The following SYN2 variants were observed in gnomAD, a reference collection of about 807,000 sequenced individuals.
SYN2 encodes synapsin II, also known as synapsin-2.
A neutral mutation model predicts 50.9 loss-of-function variants in SYN2; 19 were observed. That is an observed-to-expected ratio of 0.37 (90% CI 0.26 to 0.55). SYN2 has a LOEUF of 0.55. SYN2 is among the 20% of genes least tolerant of loss of function. SYN2 has a pLI of 0.81. For missense variants in SYN2, 587 were observed against 576.4 expected, an observed-to-expected ratio of 1.02 and a Z score of -0.19; for synonymous variants, 255 against 224.9, an observed-to-expected ratio of 1.13 and a Z score of -1.20.
chr3:12,136,141 G>T (rs92090), intron 1 of SYN2, among the ~76,000 whole-genome samples: 96,984 of 152,052 alleles, frequency 0.64, 33,568 homozygotes, highest in South Asian at 0.78. Context: ...TGTGATGAAA[G>T]TTCAGAAAAG....
intron 1 of SYN2, among the ~76,000 whole-genome samples, chr3:12,035,896 G>C (rs1034495777): frequency 3.9e-5 from 6 of 152,028 alleles, no homozygotes; most frequent in Admixed American, 3.9e-4. Context: ...TGTTGGTGAG[G>C]GTCCAGGTTT....
At chr3:12,181,341 C>T (rs907920014) in intron 10 of SYN2, among the ~76,000 whole-genome samples, 9 of 152,198 alleles carry the variant, frequency 5.9e-5, no homozygotes, top group Admixed American at 5.2e-4. Context: ...GGTAGCTTCA[C>T]AAACTGGGAC....
chr3:12,041,751 C>G (rs964401108), intron 1 of SYN2, among the ~76,000 whole-genome samples: 1 of 152,178 alleles, frequency 6.6e-6, no homozygotes. Flanking sequence ...AGTTGCCACT[C>G]CTGTGCATCA....
In SYN2 at chr3:12,191,657, A is replaced by G. The variant is rs1159832768; in HGVS notation, c.*1032A>G. Among the ~76,000 whole-genome samples the G allele has an allele frequency of 6.6e-6, 1 of 152,130 alleles. No individual in the cohort carries two copies. Among genetic ancestry groups the G allele is most frequent in the African/African-American group, 2.4e-5 (1 of 41,394 alleles). On this transcript the variant is annotated 3_prime_UTR_variant, in exon 13 of 13. Coordinates refer to ENST00000621198, the MANE Select transcript of SYN2 (RefSeq NM_133625.6). ...CCCCAGTGAATCTGTCTCCTCCAAG[A>G]CACCTAGCCTTCCTTCAGCAACTCA...
chr3:12,130,398 T>C (rs1696769956), intron 1 of SYN2, among the ~76,000 whole-genome samples: 1 of 152,078 alleles, frequency 6.6e-6, no homozygotes, highest in South Asian at 2.1e-4. Context: ...GAGCCAATGG[T>C]ATAAGTTTCA....
chr3:12,106,443 C>T (rs1696192004), intron 1 of SYN2, among the ~76,000 whole-genome samples: 1 of 152,084 alleles, frequency 6.6e-6, no homozygotes, highest in South Asian at 2.1e-4. Context: ...GAATCTGGGA[C>T]CATTTTGAAA....
At chr3:12,114,456 A>G (rs951030496) in intron 1 of SYN2, among the ~76,000 whole-genome samples, 7 of 152,038 alleles carry the variant, frequency 4.6e-5, no homozygotes, top group African/African-American at 1.7e-4. Flanking sequence ...ATGAAAGCCA[A>G]TTTGTTTTTT....
At chr3:12,157,775 G>A (rs1180027434) in intron 5 of SYN2, among the ~76,000 whole-genome samples, 1 of 152,190 alleles carries the variant, frequency 6.6e-6, no homozygotes, top group East Asian at 1.9e-4. Context: ...TGTGCAGTGG[G>A]GCACAGGGTA....
chr3:12,155,370 G>A (rs1697424998), intron 5 of SYN2, among the ~76,000 whole-genome samples: 1 of 152,218 alleles, frequency 6.6e-6, no homozygotes, highest in Non-Finnish European at 1.5e-5. Flanking sequence ...GAAGGAGTGT[G>A]GGGCAAAGAA....
chr3:12,123,066 CAA>C (rs898287928), intron 1 of SYN2, among the ~76,000 whole-genome samples: 10 of 151,646 alleles, frequency 6.6e-5, no homozygotes, highest in African/African-American at 2.4e-4. Flanking sequence ...CTCAAAGAGA[CAA>C]AGAGAAGAAC....
chr3:12,121,440 T>C (rs1310159745), intron 1 of SYN2, among the ~76,000 whole-genome samples: 2 of 152,182 alleles, frequency 1.3e-5, no homozygotes, highest in Non-Finnish European at 2.9e-5. Context: ...TTTATAGTTA[T>C]TTGTTTACCA....
At chr3:12,084,688 T>C (rs765525220) in intron 1 of SYN2, among the ~76,000 whole-genome samples, 1 of 152,162 alleles carries the variant, frequency 6.6e-6, no homozygotes, top group Non-Finnish European at 1.5e-5. Flanking sequence ...GGTTGAAATA[T>C]TATATAGCTG....
At chr3:12,126,904 A>G (rs1025234728) in intron 1 of SYN2, among the ~76,000 whole-genome samples, 9 of 152,160 alleles carry the variant, frequency 5.9e-5, no homozygotes, top group Admixed American at 5.2e-4. Context: ...ACACTAATTT[A>G]TTTTTATTCT....
At chr3:12,176,546 A>C (rs972178093) in intron 10 of SYN2, among the ~76,000 whole-genome samples, 1 of 152,114 alleles carries the variant, frequency 6.6e-6, no homozygotes, top group Non-Finnish European at 1.5e-5. Context: ...GCATTCATAT[A>C]CATTTGGTGT....
chr3:12,099,993 C>G (rs901844456), intron 1 of SYN2, among the ~76,000 whole-genome samples: 1 of 68,608 alleles, frequency 1.5e-5, no homozygotes, highest in Non-Finnish European at 3.0e-5. Context: ...AAAAGAAGTG[C>G]CTACAGTGGA....
At chr3:12,150,553 T>C (rs1697259239) in intron 4 of SYN2, among the ~76,000 whole-genome samples, 1 of 152,134 alleles carries the variant, frequency 6.6e-6, no homozygotes, top group South Asian at 2.1e-4. Context: ...CCTGACACTG[T>C]AAGTATGTGT....
chr3:12,046,316 G>T (rs1694737551), intron 1 of SYN2, among the ~76,000 whole-genome samples: 1 of 152,144 alleles, frequency 6.6e-6, no homozygotes, highest in Non-Finnish European at 1.5e-5. Flanking sequence ...GGTAAATAAG[G>T]AGAGCAACAT....
chr3:12,119,245 C>T (rs1696500097), intron 1 of SYN2, among the ~76,000 whole-genome samples: 1 of 152,074 alleles, frequency 6.6e-6, no homozygotes, highest in Non-Finnish European at 1.5e-5. Flanking sequence ...AATAACAACT[C>T]TTCTGGCCAC....
In SYN2 at chr3:12,141,888, C is replaced by T. The variant is rs772322494; in HGVS notation, c.436-17C>T. 1.3e-6 allele frequency: 1 copy of T among 780,712 alleles called. No homozygotes were observed. The highest frequency in any genetic ancestry group is 2.4e-6 in the Non-Finnish European group (1 of 417,890). 48.4% of individuals were successfully genotyped at this position (780,712 alleles called of 1,614,324 possible). A position where few individuals can be genotyped will look rare whatever the true frequency, so the allele number is the denominator to read the frequency against. On this transcript the variant is annotated splice_polypyrimidine_tract_variant and intron_variant, in intron 2 of 12. Transcript: ENST00000621198. ...AAGTCAGGATTGTGAACTTATTCCCCTGTTATTATTTTCCAGGCAGAATTT... is the reference window on the plus strand; with the variant it reads ...AAGTCAGGATTGTGAACTTATTCCCTTGTTATTATTTTCCAGGCAGAATTT...
Sources: allele counts gnomAD v4.1 joint callset (sites outside exome capture counted in the v4.1 genomes callset), GRCh38; gene constraint gnomAD v4.1.1; transcripts MANE v1.5; gene names NCBI Gene and HGNC (gene_info 2026-07-23, HGNC 2026-07-21).